Variants in INTS8 observed in about 807,000 individuals in gnomAD.
INTS8 encodes integrator complex subunit 8, also known as protein kaonashi-1.
In INTS8, 47 loss-of-function variants were observed where a neutral mutation model predicts 138.9. That is an observed-to-expected ratio of 0.34 (90% CI 0.27 to 0.43). INTS8 has a LOEUF of 0.43. Ranked by LOEUF, INTS8 falls within the 20% of genes least tolerant of loss-of-function variation. The pLI is 1.00. For synonymous variants in INTS8, 392 were observed against 400.9 expected (o/e 0.98, Z 0.27); for missense variants, 996 against 1,173.0 (o/e 0.85, Z 2.20).
At chr8:94,829,081 A>G in intron 5 of INTS8, 55 bp downstream of exon 5, 1 of 1,316,460 alleles carries the variant, frequency 7.6e-7, no homozygotes, top group South Asian at 1.2e-5. Flanking sequence ...TTAGAGCAGC[A>G]GTTCCCAACC....
At chr8:94,842,940 A>G (rs1475477819) in intron 10 of INTS8, among the ~76,000 whole-genome samples, 1 of 145,516 alleles carries the variant, frequency 6.9e-6, no homozygotes, top group Non-Finnish European at 1.5e-5. Context: ...TGTTAGAGAC[A>G]TTGAGAGAAG....
intron 2 of INTS8, 81 bp downstream of exon 2, chr8:94,825,148 C>T: frequency 1.9e-6 from 2 of 1,026,806 alleles, no homozygotes; most frequent in Non-Finnish European, 2.9e-6. Flanking sequence ...TTTATGATAT[C>T]GGCTCTTAAA....
rs1197853653 is a variant in INTS8, at chr8:94,865,589, T to G, written c.2160T>G (p.Val720=). ...GGACTGCCAAAGACCTTTGGGAAGT[T>G]GTTGTTCAAATCTGTAGTGTGTCCA... ...SRRTAKDLWE[V]VVQICSVSSQ... is the part of the protein sequence containing the mutation. The change falls in exon 17 of 27, where the codon GTT becomes GTG. Residue 720 remains valine, a synonymous_variant. Coordinates refer to ENST00000523731, the MANE Select transcript of INTS8 (RefSeq NM_017864.4). 12 of 1,614,044 alleles carry G rather than the reference T, an allele frequency of 7.4e-6. 1 individual carries two copies. The Admixed American group carries it at 1.8e-4, about 25-fold the overall frequency.
At chr8:94,861,256 A>ATCTTTTT in intron 16 of INTS8, among the ~76,000 whole-genome samples, 1 of 57,390 alleles carries the variant, frequency 1.7e-5, no homozygotes, top group Non-Finnish European at 3.0e-5. Context: ...CCTTTTTGTA[A>ATCTTTTT]TTTTTTTTTT....
intron 18 of INTS8, 171 bp from the exon 19 acceptor site, chr8:94,866,969 C>A (rs538636070): frequency 3.7e-4 from 206 of 563,478 alleles, no homozygotes; most frequent in Non-Finnish European, 6.1e-4. Flanking sequence ...CCCGCCCCCA[C>A]ATGCGATTAA....
intron 26 of INTS8, among the ~76,000 whole-genome samples, chr8:94,878,823 C>T (rs907768192): frequency 6.6e-6 from 1 of 152,196 alleles, no homozygotes; most frequent in African/African-American, 2.4e-5. Flanking sequence ...CTGATTACAT[C>T]TCCTTCCTTC....
At chr8:94,827,589 A>G (rs1323080312) in intron 3 of INTS8, 133 bp from the exon 4 acceptor site, 5 of 1,017,576 alleles carry the variant, frequency 4.9e-6, no homozygotes, top group Admixed American at 2.2e-5. Context: ...AAAAATGTGG[A>G]TGACTTATGC....
At chr8:94,877,929 T>C (rs1816621747) in intron 26 of INTS8, among the ~76,000 whole-genome samples, 1 of 152,220 alleles carries the variant, frequency 6.6e-6, no homozygotes, top group African/African-American at 2.4e-5. Context: ...AATACTATTC[T>C]GCACACTGAG....
At chr8:94,869,708 G>C (rs1252741784) in intron 20 of INTS8, among the ~76,000 whole-genome samples, 1 of 152,018 alleles carries the variant, frequency 6.6e-6, no homozygotes, top group Non-Finnish European at 1.5e-5. Context: ...GGTCAGGCTG[G>C]TCTCAAACTC....
intron 23 of INTS8, among the ~76,000 whole-genome samples, chr8:94,875,633 TA>T (rs1220247681): frequency 6.6e-6 from 1 of 152,192 alleles, no homozygotes; most frequent in East Asian, 1.9e-4. Flanking sequence ...ATTAAATTAA[TA>T]AAAACTATTT....
intron 3 of INTS8, 126 bp downstream of exon 3, chr8:94,827,529 GTC>G: frequency 8.3e-7 from 1 of 1,207,308 alleles, no homozygotes; most frequent in African/African-American, 1.5e-5. Flanking sequence ...GGAACTGTGA[GTC>G]TAATGGTGGA....
At chr8:94,862,180 G>A (rs1431022131) in intron 16 of INTS8, among the ~76,000 whole-genome samples, 1 of 151,846 alleles carries the variant, frequency 6.6e-6, no homozygotes, top group Non-Finnish European at 1.5e-5. Context: ...GACCTCAGGT[G>A]ATCCCCCCGC....
chr8:94,863,360 G>A (rs943411283), intron 16 of INTS8, among the ~76,000 whole-genome samples: 1 of 152,210 alleles, frequency 6.6e-6, no homozygotes, highest in South Asian at 2.1e-4. Flanking sequence ...CACGCTGTTT[G>A]TCACATTAGC....
At chr8:94,859,156 TG>T (rs1264731207) in intron 15 of INTS8, among the ~76,000 whole-genome samples, 7 of 151,874 alleles carry the variant, frequency 4.6e-5, no homozygotes, top group African/African-American at 1.4e-4. Flanking sequence ...TGGTGGGACC[TG>T]TGGTCCCAGC....
chr8:94,878,664 C>G (rs1816659476), intron 26 of INTS8, among the ~76,000 whole-genome samples: 1 of 152,118 alleles, frequency 6.6e-6, no homozygotes, highest in South Asian at 2.1e-4. Context: ...TTTTTGTTGT[C>G]TGTGCCTCCA....
Position 94,838,520 on chromosome 8 carries a change from C to G in INTS8, c.919C>G (p.Gln307Glu), listed in dbSNP as rs1815017606. 2 of 1,613,176 alleles carry G rather than the reference C, an allele frequency of 1.2e-6. No homozygotes were observed. The highest frequency in any genetic ancestry group is 1.7e-4 in the Middle Eastern group (1 of 6,060). ...TGAGAAGCGGTTAGCTGGCTATTGT[C>G]AAGCATGTGATGTTCTTGTACCTTC... ...IDEKRLAGYC[Q>E]ACDVLVPSSD... is the part of the protein sequence containing the mutation. The change falls in exon 8 of 27, where the codon CAA (glutamine) becomes GAA (glutamate). Residue 307 changes from glutamine to glutamate, a missense_variant. Coordinates refer to ENST00000523731, the MANE Select transcript of INTS8 (RefSeq NM_017864.4).
chr8:94,842,674 T>C (rs1287522269), intron 10 of INTS8, among the ~76,000 whole-genome samples, 186 bp downstream of exon 10: 1 of 152,228 alleles, frequency 6.6e-6, no homozygotes, highest in Non-Finnish European at 1.5e-5. Flanking sequence ...TCTAGTTCGC[T>C]CCATGTTTCT....
chr8:94,877,166 T>G (rs1479975652), intron 26 of INTS8, among the ~76,000 whole-genome samples: 1 of 152,226 alleles, frequency 6.6e-6, no homozygotes, highest in African/African-American at 2.4e-5. Context: ...AATCACTGAT[T>G]AGATGAACTC....
At chr8:94,836,416 T>C in intron 6 of INTS8, 108 bp from the exon 7 acceptor site, 1 of 812,586 alleles carries the variant, frequency 1.2e-6, no homozygotes, top group Non-Finnish European at 2.0e-6. Context: ...TATGTGTTTT[T>C]TTATGTCTTT....
Sources: gnomAD v4.1 joint callset for allele counts (sites outside exome capture counted in the v4.1 genomes callset) on GRCh38, gnomAD v4.1.1 for gene constraint, MANE v1.5 for transcripts, NCBI Gene and HGNC (gene_info 2026-07-23, HGNC 2026-07-21) for gene names.